LCOR: variants seen among roughly 807,000 people sequenced by gnomAD.
The protein encoded by LCOR is ligand-dependent corepressor.
LCOR carries 14 observed loss-of-function variants against 64.4 expected under a neutral mutation model. That is an observed-to-expected ratio of 0.22 (90% CI 0.14 to 0.34). The LOEUF is 0.34. Ranked by LOEUF, LCOR falls within the 10% of genes least tolerant of loss-of-function variation. The pLI is 1.00. For missense variants in LCOR, 1,686 were observed against 1,765.3 expected, an observed-to-expected ratio of 0.96 and a Z score of 0.80; for synonymous variants, 643 against 642.5, an observed-to-expected ratio of 1.00 and a Z score of -0.01.
At chr10:96,902,131 TAA>T (rs113778435) in intron 2 of LCOR, among the ~76,000 whole-genome samples, 85 of 148,260 alleles carry the variant, frequency 5.7e-4, no homozygotes, top group African/African-American at 1.3e-3. Context: ...TCTTTGCTCT[TAA>T]AAAAAAAAAA....
intron 4 of LCOR, among the ~76,000 whole-genome samples, chr10:96,943,852 T>C (rs1847541152): frequency 6.6e-6 from 1 of 152,102 alleles, no homozygotes; most frequent in Non-Finnish European, 1.5e-5. Flanking sequence ...AAATTATCCC[T>C]CTGGCAGTTA....
At chr10:96,864,821 A>G (rs184931139) in intron 2 of LCOR, among the ~76,000 whole-genome samples, 17 of 152,334 alleles carry the variant, frequency 1.1e-4, no homozygotes, top group African/African-American at 3.6e-4. Context: ...CTTGCTAGCA[A>G]TAGCCTAGGT....
intron 4 of LCOR, among the ~76,000 whole-genome samples, chr10:96,936,513 C>T (rs536010833): frequency 1.3e-5 from 2 of 152,048 alleles, no homozygotes; most frequent in African/African-American, 4.8e-5. Context: ...ATAGAAGACT[C>T]AAGTTACTAA....
intron 2 of LCOR, among the ~76,000 whole-genome samples, chr10:96,897,052 TGAGAGAGAGA>T (rs142740088): frequency 1.2e-4 from 15 of 124,224 alleles, no homozygotes; most frequent in African/African-American, 3.3e-4. Flanking sequence ...TCCCAAGGAA[TGAGAGAGAGA>T]GAGAGAGAGA....
rs1019484518 is a variant in LCOR at position 96,910,935 on chromosome 10, G to A, written c.-184+3188G>A. Among the ~76,000 whole-genome samples the A allele has an allele frequency of 4.6e-5, 7 of 152,176 alleles. No homozygotes were observed. The East Asian group carries it at 5.8e-4, about 13-fold the overall frequency. The stretch of plus-strand genomic sequence containing the variant: ...ACACGTAGGTGAAAAATACGAAGTA[G>A]CCTCTTTGGGAAGTAGAACAGGGAT... On this transcript the variant is annotated intron_variant, in intron 4 of 7. Coordinates refer to ENST00000421806, the MANE Select transcript of LCOR (RefSeq NM_001346516.2).
At chr10:96,925,686 T>C (rs1198166847) in intron 4 of LCOR, among the ~76,000 whole-genome samples, 1 of 152,148 alleles carries the variant, frequency 6.6e-6, no homozygotes, top group Non-Finnish European at 1.5e-5. Context: ...TCCACTGAAA[T>C]ATTACTATTT....
intron 2 of LCOR, among the ~76,000 whole-genome samples, chr10:96,874,271 C>T (rs12570500): frequency 6.6e-6 from 1 of 152,184 alleles, no homozygotes; most frequent in Non-Finnish European, 1.5e-5. Flanking sequence ...AAAGATTCTT[C>T]TGATTCTTGC....
intron 7 of LCOR, among the ~76,000 whole-genome samples, chr10:96,977,536 A>T (rs1201310175): frequency 6.6e-6 from 1 of 152,236 alleles, no homozygotes; most frequent in Non-Finnish European, 1.5e-5. Context: ...TAAGACTTCC[A>T]TCAAAAAAAA....
intron 2 of LCOR, among the ~76,000 whole-genome samples, chr10:96,875,562 C>T (rs915079087): frequency 2.6e-5 from 4 of 151,940 alleles, no homozygotes; most frequent in Admixed American, 6.6e-5. Context: ...CTTCAAACCA[C>T]GTGTTTGAAA....
chr10:96,836,639 T>C (rs1845446663), intron 2 of LCOR, among the ~76,000 whole-genome samples: 1 of 151,824 alleles, frequency 6.6e-6, no homozygotes, highest in African/African-American at 2.4e-5. Context: ...ATGCTAGGGG[T>C]GTTTAGAAGT....
chr10:96,938,231 G>A (rs1304472715), intron 4 of LCOR, among the ~76,000 whole-genome samples: 2 of 148,570 alleles, frequency 1.3e-5, no homozygotes, highest in Non-Finnish European at 2.9e-5. Flanking sequence ...ACAGGCATGA[G>A]CCGCTGTACC....
At chr10:96,876,291 A>C (rs1007224729) in intron 2 of LCOR, among the ~76,000 whole-genome samples, 1 of 152,152 alleles carries the variant, frequency 6.6e-6, no homozygotes, top group Non-Finnish European at 1.5e-5. Context: ...AAAAGCCCCT[A>C]TTCCCATCAT....
At chr10:96,961,797 T>A (rs1416254978) in intron 7 of LCOR, 1 of 151,946 alleles carries the variant, frequency 6.6e-6, no homozygotes, top group East Asian at 1.9e-4. Flanking sequence ...ATCTAGAATA[T>A]TTTTACCCCC....
intron 2 of LCOR, among the ~76,000 whole-genome samples, chr10:96,844,711 T>A (rs1030444572): frequency 2.0e-5 from 3 of 152,198 alleles, no homozygotes; most frequent in Non-Finnish European, 4.4e-5. Context: ...TCTTCACCAT[T>A]AACTGAGATT....
At chr10:96,961,083 T>TGA (rs1021463341) in intron 7 of LCOR, 4 of 152,096 alleles carry the variant, frequency 2.6e-5, no homozygotes, top group Admixed American at 2.6e-4. Context: ...TGTAGACTTC[T>TGA]GAGAAGAGGC....
chr10:96,918,741 A>G (rs1182959094), intron 4 of LCOR, among the ~76,000 whole-genome samples: 1 of 152,248 alleles, frequency 6.6e-6, no homozygotes, highest in East Asian at 1.9e-4. Flanking sequence ...TACAGTTGGT[A>G]GGAATTAAAT....
intron 7 of LCOR, among the ~76,000 whole-genome samples, chr10:96,971,575 C>T (rs1264991888): frequency 6.6e-6 from 1 of 152,078 alleles, no homozygotes; most frequent in Non-Finnish European, 1.5e-5. Context: ...GAGAAACTAC[C>T]TAATGCAGCA....
At chr10:96,939,759 C>T (rs927282477) in intron 4 of LCOR, among the ~76,000 whole-genome samples, 1 of 152,158 alleles carries the variant, frequency 6.6e-6, no homozygotes. Context: ...GTCAGGAGAT[C>T]GAGACCATCC....
chr10:96,907,428 G>A (rs1243866646), intron 3 of LCOR, 98 bp downstream of exon 3: 1 of 282,692 alleles, frequency 3.5e-6, no homozygotes, highest in Non-Finnish European at 5.3e-6. Flanking sequence ...ACGGTTTCAT[G>A]TGGGTTAAAG....
Sources: allele counts gnomAD v4.1 joint callset (sites outside exome capture counted in the v4.1 genomes callset), GRCh38; gene constraint gnomAD v4.1.1; transcripts MANE v1.5; gene names NCBI Gene and HGNC (gene_info 2026-07-23, HGNC 2026-07-21).